Variants in PBX3 observed in about 807,000 individuals in gnomAD.
PBX3 encodes PBX homeobox 3, also known as pre-B-cell leukemia transcription factor 3.
A neutral mutation model predicts 48.5 loss-of-function variants in PBX3; 14 were observed. That is an observed-to-expected ratio of 0.29 (90% CI 0.19 to 0.45). The LOEUF (loss-of-function observed/expected upper bound fraction) is 0.45, where lower values mean the gene tolerates loss of function less well. PBX3 is among the 20% of genes least tolerant of loss of function. The probability of loss-of-function intolerance (pLI) is 1.00; values close to 1 mark genes in which losing one functional copy is unlikely to be tolerated. For synonymous variants in PBX3, 210 were observed against 200.3 expected (o/e 1.05, Z -0.41); for missense variants, 386 against 546.7 (o/e 0.71, Z 2.93).
Position 125,748,550 on chromosome 9 carries a change from G to T in PBX3, c.201G>T (p.Lys67Asn), listed in dbSNP as rs1836274344. The change falls in exon 2 of 9, where the codon AAG becomes AAT. Residue 67 changes from lysine (K) to asparagine (N), a missense_variant and splice_region_variant. Around this residue, in one of 4 missense-constraint regions of PBX3, gnomAD observed 116 missense variants for 98.2 expected, o/e 1.18. Coordinates refer to ENST00000373489, the MANE Select transcript of PBX3 (RefSeq NM_006195.6). ...TDQSLDEAQAKKHALNCHRMK... is the reference protein window; with the variant it reads ...TDQSLDEAQANKHALNCHRMK... ...TTGTGTTTCGTTATTTGTTTTTTAGGAAACATGCCCTGAACTGTCACAGAA... is the reference window on the plus strand; with the variant it reads ...TTGTGTTTCGTTATTTGTTTTTTAGTAAACATGCCCTGAACTGTCACAGAA... 1.2e-6 allele frequency: 2 copies of T among 1,613,454 alleles called. No individual in the cohort carries two copies. Among genetic ancestry groups the T allele is most frequent in the Non-Finnish European group, 1.7e-6 (2 of 1,179,750 alleles).
chr9:125,915,801 G>A lies in PBX3; in HGVS notation c.390G>A (p.Ala130=), dbSNP rs753512884. The change falls in exon 3 of 9, where the codon GCG becomes GCA. Residue 130 remains alanine (A), a synonymous_variant. Coordinates refer to ENST00000373489, the MANE Select transcript of PBX3 (RefSeq NM_006195.6). ...VSGPEKGGGS[A]AAAAAAAASG... is the part of the protein sequence containing the mutation. ...GTCCTGAGAAAGGTGGGGGATCGGC[G>A]GCAGCAGCTGCAGCCGCGGCAGCCT... 4.3e-6 allele frequency: 7 copies of A among 1,613,662 alleles called. No homozygotes were observed. The highest frequency in any genetic ancestry group is 1.1e-5 in the South Asian group (1 of 91,068).
chr9:125,880,906 A>G (rs1840366052), intron 2 of PBX3, among the ~76,000 whole-genome samples: 1 of 152,262 alleles, frequency 6.6e-6, no homozygotes, highest in Non-Finnish European at 1.5e-5. Flanking sequence ...GTCTTATTGA[A>G]TAGAACTAGT....
In PBX3 at chr9:125,859,264, TG is replaced by T. The variant is rs1839801702; in HGVS notation, c.275-56419del. Among the ~76,000 whole-genome samples, 3 of 152,372 alleles carry T rather than the reference TG, an allele frequency of 2.0e-5. No homozygotes were observed. The South Asian group carries it at 6.2e-4, about 32-fold the overall frequency. On this transcript the variant is annotated intron_variant, in intron 2 of 8. Coordinates refer to ENST00000373489, the MANE Select transcript of PBX3 (RefSeq NM_006195.6). ...TAAAGTCGGTCTTCCCTGTTATTTT[TG>T]GGCTCTGTCCTTCATAGCATTTATC...
chr9:125,794,759 T>TCCCACCCA (rs1837727735), intron 2 of PBX3, among the ~76,000 whole-genome samples: 1 of 149,942 alleles, frequency 6.7e-6, no homozygotes, highest in African/African-American at 2.4e-5. Flanking sequence ...CTCAGAGTCC[T>TCCCACCCA]CCTCCCACCC....
At chr9:125,896,419 C>G (rs544459875) in intron 2 of PBX3, among the ~76,000 whole-genome samples, 1 of 152,142 alleles carries the variant, frequency 6.6e-6, no homozygotes, top group Non-Finnish European at 1.5e-5. Context: ...TGGAAATTTC[C>G]AACTCAAAGG....
At chr9:125,785,811 A>T (rs1243250888) in intron 2 of PBX3, among the ~76,000 whole-genome samples, 1 of 152,224 alleles carries the variant, frequency 6.6e-6, no homozygotes. Context: ...CTTCAGAACC[A>T]GGGACCAGTA....
At position 125,962,193 on chromosome 9, in the gene PBX3, C is replaced by T. The variant is rs779924430; in HGVS notation, c.1101C>T (p.Val367=). 21 of 1,606,930 alleles carry T rather than the reference C, an allele frequency of 1.3e-5. 1 individual carries two copies. The South Asian group carries it at 1.5e-4, about 12-fold the overall frequency. ...LNGDSYQGSQ[V]GANVQSQVDT... ...GGGATTCTTACCAAGGGTCCCAAGTCGGAGCCAATGTGCAATCACAGGTAG... is the reference window on the plus strand; with the variant it reads ...GGGATTCTTACCAAGGGTCCCAAGTTGGAGCCAATGTGCAATCACAGGTAG... The change falls in exon 7 of 9, where the codon GTC becomes GTT. Residue 367 remains valine (V), a synonymous_variant. Transcript: ENST00000373489.
intron 2 of PBX3, among the ~76,000 whole-genome samples, chr9:125,842,549 A>G (rs992998875): frequency 1.3e-5 from 2 of 152,160 alleles, no homozygotes; most frequent in Non-Finnish European, 2.9e-5. Flanking sequence ...GGCACCTTTC[A>G]GAGTGTGTTA....
intron 2 of PBX3, chr9:125,845,126 G>T (rs1839394265): frequency 6.6e-6 from 1 of 151,920 alleles, no homozygotes; most frequent in Non-Finnish European, 1.5e-5. Flanking sequence ...CCTTTTGAAG[G>T]GATTGCTATG....
At chr9:125,939,870 A>G (rs1841921798) in intron 5 of PBX3, among the ~76,000 whole-genome samples, 1 of 152,204 alleles carries the variant, frequency 6.6e-6, no homozygotes, top group Admixed American at 6.5e-5. Context: ...GTCAGGGGAG[A>G]CATATATGTG....
At chr9:125,770,756 T>G (rs1329222307) in intron 2 of PBX3, among the ~76,000 whole-genome samples, 1 of 152,130 alleles carries the variant, frequency 6.6e-6, no homozygotes, top group Non-Finnish European at 1.5e-5. Flanking sequence ...ACTTCAGAGA[T>G]TATGTATTTT....
At chr9:125,783,947 G>A (rs895269538) in intron 2 of PBX3, among the ~76,000 whole-genome samples, 1 of 152,074 alleles carries the variant, frequency 6.6e-6, no homozygotes, top group Non-Finnish European at 1.5e-5. Context: ...GTTGCAGTGA[G>A]CCGAGGTCAT....
In PBX3 at chr9:125,768,601, T is replaced by C. The variant is rs1836860930; in HGVS notation, c.274+19978T>C. On this transcript the variant is annotated intron_variant, in intron 2 of 8. Transcript: ENST00000373489. ...AATGATAAGAAGAATAGTATTGTTTTACACTTTTGCAAATCTTTTAAATGT... is the reference window on the plus strand; with the variant it reads ...AATGATAAGAAGAATAGTATTGTTTCACACTTTTGCAAATCTTTTAAATGT... Among the ~76,000 whole-genome samples the C allele has an allele frequency of 2.0e-5, 3 of 152,248 alleles. No homozygotes were observed. In the South Asian group the frequency reaches 6.2e-4, roughly 31 times the overall value.
chr9:125,823,895 G>A (rs1460078010), intron 2 of PBX3, among the ~76,000 whole-genome samples: 1 of 152,034 alleles, frequency 6.6e-6, no homozygotes, highest in Non-Finnish European at 1.5e-5. Context: ...GGCCAACATG[G>A]TGAAACCCCA....
chr9:125,781,224 G>A (rs1837297631), intron 2 of PBX3, among the ~76,000 whole-genome samples: 4 of 150,910 alleles, frequency 2.7e-5, no homozygotes, highest in South Asian at 2.1e-4. Context: ...CTCCAGCCTG[G>A]GCACCATTGA....
At chr9:125,780,312 G>A (rs1209588923) in intron 2 of PBX3, among the ~76,000 whole-genome samples, 34 of 135,290 alleles carry the variant, frequency 2.5e-4, no homozygotes, top group Non-Finnish European at 5.0e-4. Flanking sequence ...CAGTAGGGGC[G>A]GCTGGGCAGA....
intron 2 of PBX3, among the ~76,000 whole-genome samples, chr9:125,882,166 GCTGCAGTGAGCTGTGATCA>G (rs1402973711): frequency 6.6e-6 from 1 of 152,096 alleles, no homozygotes; most frequent in African/African-American, 2.4e-5. Context: ...GGAGCTTGAG[GCTGCAGTGAGCTGTGATCA>G]CTGCATTGCA....
intron 2 of PBX3, among the ~76,000 whole-genome samples, chr9:125,890,221 A>G (rs1840609142): frequency 6.6e-6 from 1 of 152,162 alleles, no homozygotes; most frequent in Non-Finnish European, 1.5e-5. Flanking sequence ...AACATTTTCA[A>G]CAGATAGGAA....
At chr9:125,757,839 C>T (rs549803488) in intron 2 of PBX3, among the ~76,000 whole-genome samples, 10 of 152,268 alleles carry the variant, frequency 6.6e-5, no homozygotes, top group African/African-American at 9.6e-5. Flanking sequence ...CCCAGTGATA[C>T]AGTTGGTAAT....
Sources: gnomAD v4.1 joint callset for allele counts (sites outside exome capture counted in the v4.1 genomes callset) on GRCh38, gnomAD v4.1.1 for gene constraint, gnomAD v4.1.1 regional missense constraint, MANE v1.5 for transcripts, NCBI Gene and HGNC (gene_info 2026-07-23, HGNC 2026-07-21) for gene names.